The following KANK1 variants were observed in gnomAD, a reference collection of about 807,000 sequenced individuals.
KANK1 encodes KN motif and ankyrin repeat domains 1.
In KANK1, 109 loss-of-function variants were observed where a neutral mutation model predicts 106.2. The observed-to-expected ratio is 1.03, with a 90% CI of 0.88 to 1.20. KANK1 has a LOEUF of 1.20. Among genes scored for constraint, KANK1 ranks in the 50% most tolerant of loss-of-function variants. The pLI is 0.00. For synonymous variants in KANK1, 873 were observed against 652.2 expected, an observed-to-expected ratio of 1.34 and a Z score of -5.16; for missense variants, 2,399 against 1,710.7, an observed-to-expected ratio of 1.40 and a Z score of -7.10.
chr9:692,107 C>T (rs1820093107), intron 2 of KANK1, among the ~76,000 whole-genome samples: 3 of 150,758 alleles, frequency 2.0e-5, no homozygotes, highest in South Asian at 2.1e-4. Flanking sequence ...CAAAACGGGA[C>T]AGCTGTGTAG....
intron 1 of KANK1, among the ~76,000 whole-genome samples, chr9:586,779 G>A (rs1391873234): frequency 3.3e-5 from 5 of 152,124 alleles, no homozygotes; most frequent in African/African-American, 4.8e-5. Flanking sequence ...GGAGAGTCAC[G>A]AGAGCAAATA....
intron 1 of KANK1, among the ~76,000 whole-genome samples, chr9:614,315 G>A (rs1219153495): frequency 6.6e-6 from 1 of 152,166 alleles, no homozygotes; most frequent in African/African-American, 2.4e-5. Flanking sequence ...CTCAGGAAAT[G>A]AGATTGTTTT....
intron 1 of KANK1, among the ~76,000 whole-genome samples, chr9:604,121 T>G (rs1312467659): frequency 6.6e-6 from 1 of 151,806 alleles, no homozygotes; most frequent in African/African-American, 2.4e-5. Flanking sequence ...CTAAGATTAA[T>G]GTTACAGCTG....
chr9:687,089 A>C (rs1818756884), intron 2 of KANK1, among the ~76,000 whole-genome samples: 1 of 151,980 alleles, frequency 6.6e-6, no homozygotes, highest in Admixed American at 6.6e-5. Context: ...GGACTACTGG[A>C]AGGAATGTTA....
intron 3 of KANK1, chr9:492,132 C>T (rs2058388109): frequency 6.6e-6 from 1 of 152,224 alleles, no homozygotes; most frequent in Non-Finnish European, 1.5e-5. Flanking sequence ...GGACAGGAGA[C>T]AGGGAAGAGG....
chr9:647,865 G>A (rs1233985383), intron 1 of KANK1, among the ~76,000 whole-genome samples: 1 of 150,590 alleles, frequency 6.6e-6, no homozygotes, highest in East Asian at 1.9e-4. Flanking sequence ...TCATAGAGAT[G>A]TTGAAGTCCA....
rs2058741840 is a variant in KANK1, at chr9:506,047, TCTA to T, written c.-84+1294_-84+1296del. ...TGTAATAAACATATAAATTTACTCTTCTAAGGTCAAAATTCAGTGGTTTTTAAT... is the reference window on the plus strand; with the variant it reads ...TGTAATAAACATATAAATTTACTCTTAGGTCAAAATTCAGTGGTTTTTAAT... On this transcript the variant is annotated intron_variant, in intron 1 of 11. Coordinates refer to ENST00000382297, the MANE Select transcript of KANK1 (RefSeq NM_015158.5). Among the ~76,000 whole-genome samples, 5 of 152,180 alleles carry T rather than the reference TCTA, an allele frequency of 3.3e-5. No homozygotes were observed. The South Asian group carries it at 1.0e-3, about 32-fold the overall frequency.
At chr9:474,914 G>A (rs1381003464) in intron 3 of KANK1, among the ~76,000 whole-genome samples, 1 of 152,114 alleles carries the variant, frequency 6.6e-6, no homozygotes, top group Non-Finnish European at 1.5e-5. Context: ...ATCATCTGAT[G>A]GTGTACTTGT....
intron 1 of KANK1, among the ~76,000 whole-genome samples, chr9:654,654 A>G (rs966522244): frequency 1.3e-5 from 2 of 152,168 alleles, no homozygotes; most frequent in East Asian, 1.9e-4. Flanking sequence ...TTTTAAATGA[A>G]TTTTAAGTCA....
chr9:572,033 G>A (rs1819311385), intron 1 of KANK1, among the ~76,000 whole-genome samples: 1 of 152,120 alleles, frequency 6.6e-6, no homozygotes, highest in African/African-American at 2.4e-5. Context: ...AGGTTGCTGG[G>A]AGGAGATGCT....
chr9:523,686 G>A (rs1353063046), intron 1 of KANK1, among the ~76,000 whole-genome samples: 1 of 151,568 alleles, frequency 6.6e-6, no homozygotes, highest in Non-Finnish European at 1.5e-5. Context: ...CTCCTTCCTG[G>A]GGCTGGAGTG....
chr9:603,331 C>A (rs1472950297), intron 1 of KANK1, among the ~76,000 whole-genome samples: 1 of 151,810 alleles, frequency 6.6e-6, no homozygotes, highest in African/African-American at 2.4e-5. Context: ...CTGACTTTGA[C>A]CCTGAATGTG....
intron 11 of KANK1, 120 bp downstream of exon 11, chr9:744,709 G>A (rs772902203): frequency 1.3e-6 from 2 of 1,580,390 alleles, no homozygotes; most frequent in Admixed American, 1.8e-5. Context: ...GGAAGTTTTA[G>A]TCTGGAGCTT....
chr9:733,522 G>A (rs1412835184), intron 6 of KANK1: 4 of 152,174 alleles, frequency 2.6e-5, no homozygotes, highest in Non-Finnish European at 4.4e-5. Flanking sequence ...TGGTCAGCAC[G>A]ATGGATATAT....
At chr9:540,666 AG>A (rs1187740209) in intron 1 of KANK1, 10 of 152,096 alleles carry the variant, frequency 6.6e-5, no homozygotes, top group Non-Finnish European at 1.5e-5. Context: ...CTTTGTTGAG[AG>A]GTTTGTGATT....
chr9:569,928 A>C (rs1486341777), intron 1 of KANK1, among the ~76,000 whole-genome samples: 1 of 151,918 alleles, frequency 6.6e-6, no homozygotes, highest in Non-Finnish European at 1.5e-5. Flanking sequence ...GTAACACTTG[A>C]TACGTTGTAA....
chr9:536,863 T>C lies in KANK1; in HGVS notation c.-84+32109T>C, dbSNP rs145743934. Among the ~76,000 whole-genome samples the C allele has an allele frequency of 2.5e-3, 385 of 152,282 alleles. 6 individuals are homozygous for C. Among genetic ancestry groups the C allele is most frequent in the African/African-American group, 9.2e-3 (384 of 41,544 alleles). ...GACACAATACAGTTAACTCTCTTAGTTCGCAGTCGGCACCCCTTTAAGTAA... is the reference window on the plus strand; with the variant it reads ...GACACAATACAGTTAACTCTCTTAGCTCGCAGTCGGCACCCCTTTAAGTAA... On this transcript the variant is annotated intron_variant, in intron 1 of 11. Coordinates refer to ENST00000382297, the MANE Select transcript of KANK1 (RefSeq NM_015158.5).
intron 1 of KANK1, among the ~76,000 whole-genome samples, chr9:616,646 A>G (rs1831897506): frequency 6.6e-6 from 1 of 152,194 alleles, no homozygotes; most frequent in Non-Finnish European, 1.5e-5. Context: ...CAAGATAGTA[A>G]TTATTCTGCA....
In KANK1 at chr9:712,547, G is replaced by A; in HGVS notation, c.1781G>A (p.Ser594Asn). The A allele has an allele frequency of 6.2e-7, 1 of 1,614,234 alleles. No individual in the cohort carries two copies. Among genetic ancestry groups the A allele is most frequent in the Non-Finnish European group, 8.5e-7 (1 of 1,180,052 alleles). ...GTGGAAATGTGTGACAAGAGTGTGAGTGTGGAAGTCAGCGTCTGCGAAACA... is the reference window on the plus strand; with the variant it reads ...GTGGAAATGTGTGACAAGAGTGTGAATGTGGAAGTCAGCGTCTGCGAAACA... Reference protein sequence around the residue: ...RSVEMCDKSVSVEVSVCETGS... With the variant: ...RSVEMCDKSVNVEVSVCETGS... The change falls in exon 3 of 12, where the codon AGT (serine) becomes AAT (asparagine). Residue 594 changes from serine (S) to asparagine (N), a missense_variant. Physicochemically the swap from Ser to Asn is conservative, Grantham distance 46. Coordinates refer to ENST00000382297, the MANE Select transcript of KANK1 (RefSeq NM_015158.5).
Sources: allele counts gnomAD v4.1 joint callset (sites outside exome capture counted in the v4.1 genomes callset), GRCh38; gene constraint gnomAD v4.1.1; transcripts MANE v1.5; gene names NCBI Gene and HGNC (gene_info 2026-07-23, HGNC 2026-07-21).